Variants in IMPDH2 observed in about 807,000 individuals in gnomAD.
IMPDH2 encodes the protein inosine monophosphate dehydrogenase 2, also known as inosine-5'-monophosphate dehydrogenase 2.
IMPDH2 carries 33 observed loss-of-function variants against 57.8 expected under a neutral mutation model. The ratio of observed to expected loss-of-function variants is 0.57; its 90% CI spans 0.43 to 0.76. IMPDH2 has a LOEUF of 0.76. Ranked by LOEUF, IMPDH2 falls within the 30% of genes least tolerant of loss-of-function variation. IMPDH2 has a pLI of 0.00. For missense variants in IMPDH2, 446 were observed against 659.1 expected, an observed-to-expected ratio of 0.68 and a Z score of 3.54; for synonymous variants, 270 against 241.3, an observed-to-expected ratio of 1.12 and a Z score of -1.10.
At position 49,025,028 on chromosome 3, in the gene IMPDH2, G is replaced by C. The variant is rs1310959844; in HGVS notation, c.1163C>G (p.Ser388Cys). The part of the protein sequence containing the change: ...ALGASTVMMG[S>C]LLAATTEAPG... ...GGCCTCAGTGGTGGCAGCCAGGAGA[G>C]AGCCCATCATGACTGCGGACAGATG... The change falls in exon 11 of 14, where the codon TCT (serine) becomes TGT (cysteine). Residue 388 changes from serine (S) to cysteine (C), a missense_variant. Coordinates refer to ENST00000326739, the MANE Select transcript of IMPDH2 (RefSeq NM_000884.3). The C allele has an allele frequency of 2.5e-6, 4 of 1,614,154 alleles. No homozygotes were observed. The African/African-American group carries it at 4.0e-5, about 16-fold the overall frequency.
intron 9 of IMPDH2, chr3:49,026,090 G>A (rs1559915855): frequency 1.5e-6 from 1 of 645,240 alleles, no homozygotes; most frequent in East Asian, 3.1e-5. Flanking sequence ...ACAGACCAGA[G>A]TTTAGAGAAG....
chr3:49,024,960 A>G lies in IMPDH2; in HGVS notation c.1231T>C (p.Tyr411His). 6.2e-7 allele frequency: 1 copy of G among 1,614,204 alleles called. No individual in the cohort carries two copies. Among genetic ancestry groups the G allele is most frequent in the Non-Finnish European group, 8.5e-7 (1 of 1,180,036 alleles). Residue 411 changes from tyrosine to histidine, a missense_variant, in exon 11 of 14, where the codon TAT becomes CAT. By Grantham distance (83) the Tyr-to-His change is moderately conservative. Coordinates refer to ENST00000326739, the MANE Select transcript of IMPDH2 (RefSeq NM_000884.3). ...GCATCGAGAGAACCCATACCGCGAT[A>G]TTTCTTTAGCCGGATCCCATCGGAA... The part of the protein sequence containing the change: ...FFSDGIRLKK[Y>H]RGMGSLDAMD...
intron 9 of IMPDH2, 63 bp downstream of exon 9, chr3:49,026,261 G>C (rs2093198987): frequency 8.1e-7 from 1 of 1,239,970 alleles, no homozygotes; most frequent in South Asian, 1.3e-5. Flanking sequence ...AGAGTGCTTG[G>C]TTCCAAGGTA....
At chr3:49,029,212 C>T in intron 1 of IMPDH2, 41 bp downstream of exon 1, 1 of 1,482,136 alleles carries the variant, frequency 6.7e-7, no homozygotes, top group Non-Finnish European at 9.2e-7. Flanking sequence ...CCCCAGGGTG[C>T]CGCCCCTCTC....
In IMPDH2 at chr3:49,029,361, G is replaced by C. The variant is rs377473953; in HGVS notation, c.-11C>G. On this transcript the variant is annotated 5_prime_UTR_variant, in exon 1 of 14. Transcript: ENST00000326739. Reference sequence around the variant, plus strand: ...CAGGTAGTCGGCCATGGCCAACACAGGACACCGCCGCGTGTCTCCGAGGAC... The same window carrying C: ...CAGGTAGTCGGCCATGGCCAACACACGACACCGCCGCGTGTCTCCGAGGAC... 6.3e-5 allele frequency: 99 copies of C among 1,564,198 alleles called. 1 individual carries two copies. The African/African-American group carries it at 1.1e-3, about 18-fold the overall frequency.
chr3:49,028,903 CAG>C (rs765704931), intron 1 of IMPDH2, 97 bp from the exon 2 acceptor site: 35 of 950,618 alleles, frequency 3.7e-5, no homozygotes, highest in East Asian at 1.0e-4. Flanking sequence ...CGCATGTGAG[CAG>C]AGAGTGGCAC....
chr3:49,028,050 G>A, intron 4 of IMPDH2, 134 bp from the exon 5 acceptor site: 1 of 814,102 alleles, frequency 1.2e-6, no homozygotes, highest in Non-Finnish European at 2.0e-6. Context: ...ACACATCTTA[G>A]AGACATGGGT....
Position 49,026,307 on chromosome 3 carries a change from T to C in IMPDH2, c.1006+17A>G, listed in dbSNP as rs768845972. 1.3e-6 allele frequency: 2 copies of C among 1,566,954 alleles called. No homozygotes were observed. ...GAAACTGGGGTCTCTGTGGGCCCTA[T>C]CAAAGTATATTCTTACCTTCCTGCG... On this transcript the variant is annotated intron_variant, in intron 9 of 13. Coordinates refer to ENST00000326739, the MANE Select transcript of IMPDH2 (RefSeq NM_000884.3).
chr3:49,024,471 CCCA>C, intron 13 of IMPDH2, 21 bp downstream of exon 13: 1 of 1,614,042 alleles, frequency 6.2e-7, no homozygotes, highest in Non-Finnish European at 8.5e-7. Context: ...TGGCAGAGGC[CCCA>C]CCAAGGACAG....
intron 9 of IMPDH2, 62 bp from the exon 10 acceptor site, chr3:49,025,331 G>A: frequency 6.3e-7 from 1 of 1,594,176 alleles, no homozygotes; most frequent in Non-Finnish European, 8.6e-7. Flanking sequence ...TGGACCCTGT[G>A]GCCATATTTA....
chr3:49,025,661 AGTGGTTGTGTAGGAGAGCAGGCT>A (rs2093195336), intron 9 of IMPDH2, among the ~76,000 whole-genome samples: 1 of 152,182 alleles, frequency 6.6e-6, no homozygotes, highest in Non-Finnish European at 1.5e-5. Flanking sequence ...AGATAAGGGC[AGTGGTTGTGTAGGAGAGCAGGCT>A]GTGGTTGTGT....
chr3:49,027,295 C>T (rs1304316305), intron 5 of IMPDH2, among the ~76,000 whole-genome samples: 4 of 152,160 alleles, frequency 2.6e-5, no homozygotes, highest in Non-Finnish European at 2.9e-5. Context: ...TGGACCACCA[C>T]GTTCATACAT....
At chr3:49,027,580 G>C in intron 5 of IMPDH2, 130 bp downstream of exon 5, 1 of 750,886 alleles carries the variant, frequency 1.3e-6, no homozygotes, top group Non-Finnish European at 2.3e-6. Context: ...CCCAATAAAG[G>C]AGTCAGAAAC....
intron 9 of IMPDH2, 147 bp from the exon 10 acceptor site, chr3:49,025,416 G>C (rs555008696): frequency 1.2e-6 from 1 of 810,616 alleles, no homozygotes; most frequent in Non-Finnish European, 2.1e-6. Flanking sequence ...TGGGATGGCT[G>C]CTGCCACATC....
rs776454334 is a variant in IMPDH2 at position 49,027,869 on chromosome 3, C to A, written c.372G>T (p.Lys124Asn). The change falls in exon 5 of 14, where the codon AAG (lysine) becomes AAT (asparagine). Residue 124 changes from lysine to asparagine, a missense_variant. By Grantham distance (94) the Lys-to-Asn change is moderately conservative. Transcript: ENST00000326739. ...FITDPVVLSP[K>N]DRVRDVFEAK... ...CCTCAAAAACATCCCGCACGCGATC[C>A]TTGGGGCTGAGGACCACAGGGTCTG... 3 of 1,614,116 alleles carry A rather than the reference C, an allele frequency of 1.9e-6. No homozygotes were observed. Among genetic ancestry groups the A allele is most frequent in the Non-Finnish European group, 2.5e-6 (3 of 1,180,044 alleles).
chr3:49,027,316 A>AAC (rs1371867045), intron 5 of IMPDH2, among the ~76,000 whole-genome samples: 1 of 152,156 alleles, frequency 6.6e-6, no homozygotes, highest in Non-Finnish European at 1.5e-5. Flanking sequence ...TCACACCCAA[A>AAC]ACACCCTTCC....
At position 49,024,993 on chromosome 3, in the gene IMPDH2, A is replaced by T; in HGVS notation, c.1198T>A (p.Tyr400Asn). The change falls in exon 11 of 14, where the codon TAC becomes AAC. Residue 400 changes from tyrosine (Y) to asparagine (N), a missense_variant. By Grantham distance (143) the Tyr-to-Asn change is moderately radical. Transcript: ENST00000326739. ...AGCCGGATCCCATCGGAAAAGAAGTATTCACCAGGGGCCTCAGTGGTGGCA... is the reference window on the plus strand; with the variant it reads ...AGCCGGATCCCATCGGAAAAGAAGTTTTCACCAGGGGCCTCAGTGGTGGCA... Reference protein sequence around the residue: ...LAATTEAPGEYFFSDGIRLKK... With the variant: ...LAATTEAPGENFFSDGIRLKK... 6.2e-7 allele frequency: 1 copy of T among 1,614,250 alleles called. No homozygotes were observed. The highest frequency in any genetic ancestry group is 8.5e-7 in the Non-Finnish European group (1 of 1,180,046).
At position 49,029,244 on chromosome 3, in the gene IMPDH2, G is replaced by T; in HGVS notation, c.98+9C>A. Reference sequence around the variant, plus strand: ...TCTCTTCGCCCAGGTGAGCCCCATAGGCCCGCACTTGTAGGTGAGGCCGTC... The same window carrying T: ...TCTCTTCGCCCAGGTGAGCCCCATATGCCCGCACTTGTAGGTGAGGCCGTC... On this transcript the variant is annotated intron_variant, in intron 1 of 13. Coordinates refer to ENST00000326739, the MANE Select transcript of IMPDH2 (RefSeq NM_000884.3). 6.3e-7 allele frequency: 1 copy of T among 1,589,662 alleles called. No individual in the cohort carries two copies.
At chr3:49,028,410 C>T in intron 3 of IMPDH2, 21 bp downstream of exon 3, 1 of 1,610,510 alleles carries the variant, frequency 6.2e-7, no homozygotes. Context: ...TGCTCCTTCC[C>T]CCACACCCCA....
Sources: allele counts gnomAD v4.1 joint callset (sites outside exome capture counted in the v4.1 genomes callset), GRCh38; gene constraint gnomAD v4.1.1; transcripts MANE v1.5; gene names NCBI Gene and HGNC (gene_info 2026-07-23, HGNC 2026-07-21).